MACROD2: variants seen among roughly 807,000 people sequenced by gnomAD.
MACROD2 encodes the protein ADP-ribose glycohydrolase MACROD2.
A neutral mutation model predicts 70.4 loss-of-function variants in MACROD2; 36 were observed. The ratio of observed to expected loss-of-function variants is 0.51; its 90% CI spans 0.39 to 0.68. The LOEUF is 0.68. Ranked by LOEUF, MACROD2 falls within the 30% of genes least tolerant of loss-of-function variation. The pLI is 0.00. For synonymous variants in MACROD2, 172 were observed against 178.8 expected (o/e 0.96, Z 0.30); for missense variants, 496 against 538.4 (o/e 0.92, Z 0.78).
At chr20:15,740,362 T>C (rs1024081183) in intron 8 of MACROD2, among the ~76,000 whole-genome samples, 7 of 152,132 alleles carry the variant, frequency 4.6e-5, no homozygotes, top group Non-Finnish European at 1.0e-4. Context: ...GTTATTACTA[T>C]CTATAGCAGG....
intron 6 of MACROD2, among the ~76,000 whole-genome samples, chr20:15,274,400 T>C (rs572525596): frequency 1.3e-5 from 2 of 152,350 alleles, no homozygotes; most frequent in South Asian, 4.1e-4. Flanking sequence ...TTCTGAGAAA[T>C]GTTAGAGCCT....
chr20:14,486,297 A>G (rs1345094184), intron 3 of MACROD2, among the ~76,000 whole-genome samples: 8 of 152,130 alleles, frequency 5.3e-5, no homozygotes, highest in Admixed American at 5.2e-4. Context: ...GTAAGCTTAC[A>G]GGAAGTGAAC....
chr20:15,664,487 C>T (rs1323919056), intron 8 of MACROD2, among the ~76,000 whole-genome samples: 1 of 152,210 alleles, frequency 6.6e-6, no homozygotes, highest in African/African-American at 2.4e-5. Flanking sequence ...TAACACCCCC[C>T]TAATCATCAG....
intron 3 of MACROD2, among the ~76,000 whole-genome samples, chr20:14,356,498 CTTTTTTTTTTTT>C (rs71190132): frequency 0.027 from 2,087 of 76,868 alleles, 30 homozygotes; most frequent in Middle Eastern, 0.044. Flanking sequence ...GATCTACTTT[CTTTTTTTTTTTT>C]TTTTTTTTTT....
At chr20:15,309,406 T>C (rs138337272) in intron 6 of MACROD2, among the ~76,000 whole-genome samples, 67 of 152,274 alleles carry the variant, frequency 4.4e-4, no homozygotes, top group African/African-American at 1.5e-3. Flanking sequence ...AGCTGATGAT[T>C]ACCAAACTAA....
At chr20:14,771,808 T>G (rs1228071652) in intron 5 of MACROD2, among the ~76,000 whole-genome samples, 1 of 151,940 alleles carries the variant, frequency 6.6e-6, no homozygotes, top group Non-Finnish European at 1.5e-5. Flanking sequence ...TATATGTATA[T>G]GTATGTGTGT....
intron 8 of MACROD2, among the ~76,000 whole-genome samples, chr20:15,809,703 T>C (rs565156054): frequency 6.6e-6 from 1 of 152,084 alleles, no homozygotes; most frequent in African/African-American, 2.4e-5. Flanking sequence ...ACCTCTAACA[T>C]TGGAGACCAA....
At position 14,813,663 on chromosome 20, in the gene MACROD2, G is replaced by T. The variant is rs142693712; in HGVS notation, c.418+128704G>T. 2.8e-4 allele frequency among the ~76,000 whole-genome samples: 42 copies of T among 152,170 alleles called. 1 individual carries two copies. Among genetic ancestry groups the T allele is most frequent in the African/African-American group, 9.4e-4 (39 of 41,538 alleles). On this transcript the variant is annotated intron_variant, in intron 5 of 17. Transcript: ENST00000684519. ...CTCAGGGCAAGGCATGTGGGAAGGG[G>T]TGTGGAGTTTCCATGCCCTCCCTGA... is the stretch of plus-strand genomic sequence containing the variant.
rs555237373 is a variant in MACROD2 at position 14,034,032 on chromosome 20, C to T, written c.163+31628C>T. ...TGTCGCCCAGGCTGGAGTGCAGTGG[C>T]GCTATCTTGGCTCACTGCAAGCTCC... is the stretch of plus-strand genomic sequence containing the variant. On this transcript the variant is annotated intron_variant, in intron 2 of 17. Coordinates refer to ENST00000684519, the MANE Select transcript of MACROD2 (RefSeq NM_001351661.2). Among the ~76,000 whole-genome samples, 19 of 152,006 alleles carry T rather than the reference C, an allele frequency of 1.2e-4. No homozygotes were observed. The East Asian group carries it at 2.3e-3, about 19-fold the overall frequency.
At chr20:14,482,740 A>G (rs1015681298) in intron 3 of MACROD2, among the ~76,000 whole-genome samples, 8 of 152,224 alleles carry the variant, frequency 5.3e-5, no homozygotes, top group African/African-American at 1.9e-4. Context: ...GAAAGTCTTC[A>G]TATGCTACAG....
chr20:15,621,044 C>A (rs1453361972), intron 8 of MACROD2, among the ~76,000 whole-genome samples: 1 of 152,056 alleles, frequency 6.6e-6, no homozygotes, highest in Non-Finnish European at 1.5e-5. Flanking sequence ...CATCATCTGG[C>A]CCAGAAGGGA....
chr20:14,456,667 A>T lies in MACROD2; in HGVS notation c.272-36812A>T, dbSNP rs147414285. Among the ~76,000 whole-genome samples, 12 of 149,848 alleles carry T rather than the reference A, an allele frequency of 8.0e-5. No homozygotes were observed. In the East Asian group the frequency reaches 2.2e-3, roughly 27 times the overall value. On this transcript the variant is annotated intron_variant, in intron 3 of 17. Coordinates refer to ENST00000684519, the MANE Select transcript of MACROD2 (RefSeq NM_001351661.2). ...TTTCTAAAATATACTATGCAATTCTAGGCCTGATAGTGAACAAAACATACA... is the reference window on the plus strand; with the variant it reads ...TTTCTAAAATATACTATGCAATTCTTGGCCTGATAGTGAACAAAACATACA...
intron 4 of MACROD2, among the ~76,000 whole-genome samples, chr20:14,564,970 G>A (rs779221994): frequency 2.0e-5 from 3 of 151,580 alleles, no homozygotes; most frequent in Admixed American, 6.6e-5. Context: ...ATAAAAATAT[G>A]GCATATATAT....
intron 6 of MACROD2, among the ~76,000 whole-genome samples, chr20:15,309,327 G>A (rs1428147058): frequency 2.6e-5 from 4 of 152,144 alleles, no homozygotes; most frequent in Non-Finnish European, 5.9e-5. Context: ...TTTTCCTCCA[G>A]GTCCTCTCTT....
At chr20:14,075,121 A>T (rs2053900445) in intron 2 of MACROD2, among the ~76,000 whole-genome samples, 3 of 152,232 alleles carry the variant, frequency 2.0e-5, no homozygotes, top group Non-Finnish European at 4.4e-5. Flanking sequence ...GCCAAAGAGA[A>T]GCCATGAAGT....
chr20:15,386,820 C>A (rs537765076), intron 6 of MACROD2, among the ~76,000 whole-genome samples: 2 of 152,244 alleles, frequency 1.3e-5, no homozygotes, highest in Admixed American at 1.3e-4. Context: ...TGAGTTAGAG[C>A]TGAACAAAAT....
intron 3 of MACROD2, among the ~76,000 whole-genome samples, chr20:14,229,499 T>C (rs2081779624): frequency 6.6e-6 from 1 of 152,160 alleles, no homozygotes. Context: ...CATTAAAGAA[T>C]TGCAAGTTAA....
At chr20:14,969,975 ATCG>A (rs764063115) in intron 5 of MACROD2, among the ~76,000 whole-genome samples, 8 of 151,872 alleles carry the variant, frequency 5.3e-5, no homozygotes, top group Non-Finnish European at 1.0e-4. Flanking sequence ...CTCTTCCATC[ATCG>A]TCATCATCAT....
chr20:14,716,145 A>G (rs919550649), intron 5 of MACROD2, among the ~76,000 whole-genome samples: 1 of 152,198 alleles, frequency 6.6e-6, no homozygotes, highest in Non-Finnish European at 1.5e-5. Context: ...GAGCCACTTA[A>G]TAAGAGCCAT....
Sources: gnomAD v4.1 joint callset for allele counts (sites outside exome capture counted in the v4.1 genomes callset) on GRCh38, gnomAD v4.1.1 for gene constraint, MANE v1.5 for transcripts, NCBI Gene and HGNC (gene_info 2026-07-23, HGNC 2026-07-21) for gene names.